DDX23: variants seen among roughly 807,000 people sequenced by gnomAD.
The protein encoded by DDX23 is probable ATP-dependent RNA helicase DDX23.
Under a neutral mutation model 102.7 loss-of-function variants are expected in DDX23, and 33 were observed. That is an observed-to-expected ratio of 0.32 (90% CI 0.24 to 0.43). The LOEUF (loss-of-function observed/expected upper bound fraction) is 0.43, where lower values mean the gene tolerates loss of function less well. DDX23 is among the 20% of genes least tolerant of loss of function. The pLI is 1.00. For synonymous variants in DDX23, 352 were observed against 376.0 expected, an observed-to-expected ratio of 0.94 and a Z score of 0.74; for missense variants, 549 against 1,086.6, an observed-to-expected ratio of 0.51 and a Z score of 6.96.
chr12:48,833,289 A>T lies in DDX23; in HGVS notation c.1791T>A (p.His597Gln). The T allele has an allele frequency of 6.2e-7, 1 of 1,614,028 alleles. No individual in the cohort carries two copies. The highest frequency in any genetic ancestry group is 1.7e-5 in the Admixed American group (1 of 60,002). The part of the protein sequence containing the change: ...KMLANFESGK[H>Q]KYRQTVMFTA... Reference sequence around the variant, plus strand: ...GAAGCAGCCTTACTTGGCGGTACTTATGTTTTCCCGACTCAAAGTTGGCCA... The same window carrying T: ...GAAGCAGCCTTACTTGGCGGTACTTTTGTTTTCCCGACTCAAAGTTGGCCA... Residue 597 changes from histidine to glutamine, a missense_variant, in exon 13 of 17, where the codon CAT becomes CAA. His to Gln is a conservative substitution (Grantham distance 24). Coordinates refer to ENST00000308025, the MANE Select transcript of DDX23 (RefSeq NM_004818.3).
rs1294147929 is a variant in DDX23, at chr12:48,830,425, A to G, written c.*44T>C. On this transcript the variant is annotated 3_prime_UTR_variant, in exon 17 of 17. Transcript: ENST00000308025. The surrounding 1 kb of genome is among the most constrained non-coding windows in gnomAD (Gnocchi z 4.9). ...GTGAGGGTTCTGAAAAACAGGCATC[A>G]GGCAGCTTTGGAGATGCCCTCAGCC... The G allele has an allele frequency of 6.2e-7, 1 of 1,602,182 alleles. No individual in the cohort carries two copies. Among genetic ancestry groups the G allele is most frequent in the Admixed American group, 1.7e-5 (1 of 59,918 alleles).
At chr12:48,837,114 G>T in intron 8 of DDX23, 77 bp from the exon 9 acceptor site, 1 of 1,589,898 alleles carries the variant, frequency 6.3e-7, no homozygotes, top group Non-Finnish European at 8.6e-7. Flanking sequence ...CTACTAGTAT[G>T]AAACAGTTCT....
At chr12:48,848,585 T>TTTGTTG (rs149054528) in intron 1 of DDX23, among the ~76,000 whole-genome samples, 1,727 of 151,604 alleles carry the variant, frequency 0.011, 29 homozygotes, top group African/African-American at 0.039. Context: ...TCAGGTTTGT[T>TTTGTTG]TTGTTGTTGT....
In DDX23 at chr12:48,830,340, G is replaced by T; in HGVS notation, c.*129C>A. 8.9e-7 allele frequency: 1 copy of T among 1,123,762 alleles called. No homozygotes were observed. 69.6% of individuals were successfully genotyped at this position (1,123,762 alleles called of 1,614,324 possible). Reference sequence around the variant, plus strand: ...CTCCTGACCTGAGGGTCTGGGCTAGGGAGTTGGATTGTTTTCCTAAGCCCC... The same window carrying T: ...CTCCTGACCTGAGGGTCTGGGCTAGTGAGTTGGATTGTTTTCCTAAGCCCC... On this transcript the variant is annotated 3_prime_UTR_variant, in exon 17 of 17. Transcript: ENST00000308025. The surrounding 1 kb of genome is among the most constrained non-coding windows in gnomAD (Gnocchi z 4.9).
rs1416946518 is a variant in DDX23 at position 48,832,440 on chromosome 12, A to G, written c.1937T>C (p.Met646Thr). 13 of 1,613,674 alleles carry G rather than the reference A, an allele frequency of 8.1e-6. No individual in the cohort carries two copies. Among genetic ancestry groups the G allele is most frequent in the East Asian group, 2.2e-5 (1 of 44,836 alleles). Residue 646 changes from methionine to threonine, a missense_variant, in exon 14 of 17, where the codon ATG (methionine) becomes ACG (threonine). By Grantham distance (81) the Met-to-Thr change is moderately conservative (BLOSUM62 -1). This residue lies in a region of DDX23 where 270 missense variants were observed against 707.0 expected (regional missense o/e 0.38). Transcript: ENST00000308025. This position sits in a 1 kb window ranked among gnomAD's most constrained non-coding sequence, Gnocchi z 4.4. The part of the protein sequence containing the change: ...HERVEQKVFL[M>T]SESEKRKKLL... ...CTCATACCTCTTTTCTGACTCTGAC[A>G]TGAGGAAGACCTTCTGTTCCACACG...
At chr12:48,835,264 T>A (rs925892088) in intron 11 of DDX23, 4 of 177,510 alleles carry the variant, frequency 2.3e-5, no homozygotes, top group Admixed American at 1.1e-4. Flanking sequence ...AATAAATAAA[T>A]AATAAATACA....
chr12:48,848,717 T>G (rs1938709801), intron 1 of DDX23, among the ~76,000 whole-genome samples: 1 of 151,210 alleles, frequency 6.6e-6, no homozygotes, highest in African/African-American at 2.4e-5. Flanking sequence ...CCCAAGTAGC[T>G]GGGACTATAG....
chr12:48,839,972 C>T (rs764957415), intron 4 of DDX23, 41 bp downstream of exon 4: 54 of 1,611,390 alleles, frequency 3.4e-5, no homozygotes, highest in Non-Finnish European at 4.1e-5. Context: ...AACAAAGCAA[C>T]GCACGAGTTG....
chr12:48,852,034 T>C (rs1342235993), intron 1 of DDX23, 50 bp downstream of exon 1: 1 of 152,408 alleles, frequency 6.6e-6, no homozygotes, highest in African/African-American at 2.4e-5. Flanking sequence ...GCCCTGACTC[T>C]AGCCCTTTCT....
intron 3 of DDX23, among the ~76,000 whole-genome samples, chr12:48,842,295 C>T (rs1455118437): frequency 2.1e-5 from 3 of 142,422 alleles, no homozygotes; most frequent in African/African-American, 5.3e-5. Context: ...CCCGGCCCGG[C>T]CAGCCGCCCT....
intron 12 of DDX23, 76 bp from the exon 13 acceptor site, chr12:48,833,595 T>TG (rs1938422300): frequency 1.3e-6 from 2 of 1,547,392 alleles, no homozygotes; most frequent in South Asian, 2.4e-5. Context: ...TCCACCCACT[T>TG]GGGTGACAGA....
Position 48,841,727 on chromosome 12 carries a change from T to C in DDX23, c.321-1621A>G, listed in dbSNP as rs570714196. Reference sequence around the variant, plus strand: ...ATCCGCCAGCCTCGGCCTCCCGAGGTGCCGGGATGGCACACGGAGTCGCGT... The same window carrying C: ...ATCCGCCAGCCTCGGCCTCCCGAGGCGCCGGGATGGCACACGGAGTCGCGT... On this transcript the variant is annotated intron_variant, in intron 3 of 16. Transcript: ENST00000308025. Among the ~76,000 whole-genome samples, 172 of 152,316 alleles carry C rather than the reference T, an allele frequency of 1.1e-3. 2 individuals carry two copies. The highest frequency in any genetic ancestry group is 9.1e-3 in the Admixed American group (139 of 15,300).
intron 3 of DDX23, among the ~76,000 whole-genome samples, chr12:48,842,452 G>A (rs1592203317): frequency 7.1e-6 from 1 of 141,578 alleles, no homozygotes; most frequent in Non-Finnish European, 1.6e-5. Flanking sequence ...GGGAGGTAGG[G>A]GGGTCAGCCC....
chr12:48,829,943 G>A lies in DDX23; in HGVS notation c.*526C>T. On this transcript the variant is annotated 3_prime_UTR_variant, in exon 17 of 17. Transcript: ENST00000308025. ...ATACAGCACCCCTTGGTGCGGGGCT[G>A]TGCACAGGTCTAAAGACTCTCAACT... 1 of 348,178 alleles carries A rather than the reference G, an allele frequency of 2.9e-6. No individual in the cohort carries two copies. The highest frequency in any genetic ancestry group is 5.6e-6 in the Non-Finnish European group (1 of 177,082). The allele number at this position is 348,178 out of a possible 1,614,324, so 21.6% of individuals were successfully genotyped here.
chr12:48,841,746 G>A (rs1479957893), intron 3 of DDX23, among the ~76,000 whole-genome samples: 10 of 152,382 alleles, frequency 6.6e-5, no homozygotes, highest in Non-Finnish European at 7.3e-5. Context: ...GGCACACGGA[G>A]TCGCGTTCAC....
chr12:48,839,507 C>T (rs1403650561), intron 5 of DDX23: 10 of 172,354 alleles, frequency 5.8e-5, no homozygotes, highest in Non-Finnish European at 8.1e-5. Flanking sequence ...TGAAGTGAGC[C>T]GATATCATGC....
At chr12:48,851,011 C>T (rs764003764) in intron 1 of DDX23, among the ~76,000 whole-genome samples, 4 of 152,228 alleles carry the variant, frequency 2.6e-5, no homozygotes, top group Non-Finnish European at 4.4e-5. Context: ...AGCAGCCTTC[C>T]TCTCAAACCT....
chr12:48,830,565 A>G lies in DDX23; in HGVS notation c.2367T>C (p.Ser789=), dbSNP rs113929889. 2 of 1,613,892 alleles carry G rather than the reference A, an allele frequency of 1.2e-6. No individual in the cohort carries two copies. The highest frequency in any genetic ancestry group is 1.7e-6 in the Non-Finnish European group (2 of 1,180,004). ...LKQAILESPV[S]SCPPELANHP... The stretch of plus-strand genomic sequence containing the variant: ...GGTTGGCTAGTTCGGGGGGACAGGA[A>G]GACACTGGGCTTTCCAGGATAGCTT... Residue 789 remains serine, a synonymous_variant, in exon 17 of 17, where the codon TCT becomes TCC. Coordinates refer to ENST00000308025, the MANE Select transcript of DDX23 (RefSeq NM_004818.3). This position sits in a 1 kb window ranked among gnomAD's most constrained non-coding sequence, Gnocchi z 4.9.
At chr12:48,848,301 C>CAAAAAAAA (rs1162953994) in intron 1 of DDX23, among the ~76,000 whole-genome samples, 3 of 135,614 alleles carry the variant, frequency 2.2e-5, no homozygotes, top group Non-Finnish European at 5.1e-5. Context: ...CAAAACAAAA[C>CAAAAAAAA]AAAAAACAAA....
Sources: allele counts gnomAD v4.1 joint callset (sites outside exome capture counted in the v4.1 genomes callset), GRCh38; gene constraint gnomAD v4.1.1; regional missense constraint gnomAD v4.1.1; non-coding constraint Gnocchi (gnomAD v3.1); transcripts MANE v1.5; gene names NCBI Gene and HGNC (gene_info 2026-07-23, HGNC 2026-07-21).